Variants in DYNC1H1 observed in about 807,000 individuals in gnomAD.
DYNC1H1 encodes cytoplasmic dynein 1 heavy chain 1.
DYNC1H1 carries 51 observed loss-of-function variants against 527.1 expected under a neutral mutation model. The ratio of observed to expected loss-of-function variants is 0.10; its 90% CI spans 0.08 to 0.12. DYNC1H1 has a LOEUF of 0.12. Ranked by LOEUF, DYNC1H1 falls within the 10% of genes least tolerant of loss-of-function variation. The pLI, the probability that DYNC1H1 is intolerant of heterozygous loss-of-function variation, is 1.00. For missense variants in DYNC1H1, 2,771 were observed against 5,971.8 expected, an observed-to-expected ratio of 0.46 and a Z score of 17.66; for synonymous variants, 2,189 against 2,278.8, an observed-to-expected ratio of 0.96 and a Z score of 1.12.
At position 102,051,255 on chromosome 14, in the gene DYNC1H1, CAAA is replaced by C. The variant is rs76566190; in HGVS notation, c.*703_*705del. 6.3e-5 allele frequency: 9 copies of C among 142,080 alleles called. No homozygotes were observed. Among genetic ancestry groups the C allele is most frequent in the East Asian group, 4.1e-4 (2 of 4,936 alleles). The allele number at this position is 142,080 out of a possible 1,614,324, so 8.8% of individuals were successfully genotyped here. Reference sequence around the variant, plus strand: ...TGGGTGACAGAGCAAGACCCTGTCTCAAAAAAAAAAAAAGCTGGGCGTGGTGGC... The same window carrying C: ...TGGGTGACAGAGCAAGACCCTGTCTCAAAAAAAAAAGCTGGGCGTGGTGGC... On this transcript the variant is annotated 3_prime_UTR_variant, in exon 78 of 78. Transcript: ENST00000360184.
At position 102,029,989 on chromosome 14, in the gene DYNC1H1, C is replaced by T. The variant is rs746602343; in HGVS notation, c.9762+51C>T. 1.9e-6 allele frequency: 3 copies of T among 1,612,766 alleles called. No homozygotes were observed. Among genetic ancestry groups the T allele is most frequent in the Admixed American group, 3.3e-5 (2 of 59,912 alleles). On this transcript the variant is annotated intron_variant, in intron 50 of 77. Transcript: ENST00000360184. The surrounding 1 kb of genome is among the most constrained non-coding windows in gnomAD (Gnocchi z 5.3). ...GTAAGGACTGAGCATTTTCAGTCTC[C>T]AATGAGAGAGTAGGAAATGTAGTTC...
chr14:102,020,075 C>G lies in DYNC1H1; in HGVS notation c.8507+19C>G. ...AAGATAGGTAAGGGAAGCCGAGGAT[C>G]CAGTTGGTCCCATTCTCCCCTGCTC... On this transcript the variant is annotated intron_variant, in intron 42 of 77. Transcript: ENST00000360184. The surrounding 1 kb of genome is among the most constrained non-coding windows in gnomAD (Gnocchi z 4.3). The G allele has an allele frequency of 6.2e-7, 1 of 1,613,408 alleles. No individual in the cohort carries two copies. The highest frequency in any genetic ancestry group is 8.5e-7 in the Non-Finnish European group (1 of 1,179,752).
In DYNC1H1 at chr14:102,050,798, C is replaced by G. The variant is rs1483660694; in HGVS notation, c.*235C>G. 3 of 553,864 alleles carry G rather than the reference C, an allele frequency of 5.4e-6. No individual in the cohort carries two copies. Among genetic ancestry groups the G allele is most frequent in the African/African-American group, 3.8e-5 (2 of 52,840 alleles). The allele number at this position is 553,864 out of a possible 1,614,324, so 34.3% of individuals were successfully genotyped here. The stretch of plus-strand genomic sequence containing the variant: ...AAATAAAACACTAAGCATGAGCCGG[C>G]TCCGCCTCTTCTGTCTCCGCTTTCA... On this transcript the variant is annotated 3_prime_UTR_variant, in exon 78 of 78. Transcript: ENST00000360184.
chr14:101,999,065 G>T (rs1012303424), intron 16 of DYNC1H1, among the ~76,000 whole-genome samples: 1 of 151,938 alleles, frequency 6.6e-6, no homozygotes, highest in Admixed American at 6.6e-5. Flanking sequence ...GTATTTTTTA[G>T]TAGAGACGGG....
chr14:102,001,221 A>T lies in DYNC1H1; in HGVS notation c.4262A>T (p.His1421Leu). 6.2e-7 allele frequency: 1 copy of T among 1,614,248 alleles called. No homozygotes were observed. The highest frequency in any genetic ancestry group is 8.5e-7 in the Non-Finnish European group (1 of 1,180,044). The change falls in exon 20 of 78, where the codon CAC (histidine) becomes CTC (leucine). Residue 1421 changes from histidine to leucine, a missense_variant. Transcript: ENST00000360184. The surrounding 1 kb of genome is among the most constrained non-coding windows in gnomAD (Gnocchi z 5.0). The part of the protein sequence containing the change: ...RHWKQLMKRL[H>L]VNWVVSELTL... ...TGGAAACAGCTCATGAAAAGGCTTC[A>T]CGTTAATTGGGTTGTTTCTGAGCTA...
At position 102,030,312 on chromosome 14, in the gene DYNC1H1, C is replaced by T. The variant is rs1240565671; in HGVS notation, c.9883+30C>T. 3 of 1,613,854 alleles carry T rather than the reference C, an allele frequency of 1.9e-6. No homozygotes were observed. In the African/African-American group the frequency reaches 4.0e-5, roughly 22 times the overall value. ...GTAAAGACTGTCAGAGCTTTGATGT[C>T]TAGGAAGGGTGGTCTCCGTCAACAT... is the stretch of plus-strand genomic sequence containing the variant. On this transcript the variant is annotated intron_variant, in intron 51 of 77. Coordinates refer to ENST00000360184, the MANE Select transcript of DYNC1H1 (RefSeq NM_001376.5).
chr14:102,045,025 G>A, intron 72 of DYNC1H1: 2 of 380,540 alleles, frequency 5.3e-6, no homozygotes, highest in South Asian at 4.6e-5. Context: ...GTTACTGGCT[G>A]GGCACACTGG....
In DYNC1H1 at chr14:102,007,033, GTC is replaced by G. The variant is rs1383582624; in HGVS notation, c.5744_5745del (p.Ser1915CysfsTer18). The stretch of plus-strand genomic sequence containing the variant: ...GACCTGCTGGAACTGGGAAAACAGA[GTC>G]TGTCAAAGCTCTTGGCCATCAGCTT... ...FGPAGTGKTE[S>X]VKALGHQLGR... On this transcript the variant is annotated frameshift_variant, in exon 28 of 78. Coordinates refer to ENST00000360184, the MANE Select transcript of DYNC1H1 (RefSeq NM_001376.5). LOFTEE classifies it high-confidence loss of function. 6.2e-7 allele frequency: 1 copy of G among 1,614,130 alleles called. No homozygotes were observed. Among genetic ancestry groups the G allele is most frequent in the Non-Finnish European group, 8.5e-7 (1 of 1,180,048 alleles).
Position 102,016,122 on chromosome 14 carries a change from C to G in DYNC1H1, c.7473+36C>G, listed in dbSNP as rs2048319075. On this transcript the variant is annotated intron_variant, in intron 36 of 77. Coordinates refer to ENST00000360184, the MANE Select transcript of DYNC1H1 (RefSeq NM_001376.5). This position sits in a 1 kb window ranked among gnomAD's most constrained non-coding sequence, Gnocchi z 7.3. Reference sequence around the variant, plus strand: ...ATCAGGGGCTTCACAGAGCTCACCACTGCGCCAGACCACAGGTCTGAGGAC... The same window carrying G: ...ATCAGGGGCTTCACAGAGCTCACCAGTGCGCCAGACCACAGGTCTGAGGAC... 3 of 1,570,578 alleles carry G rather than the reference C, an allele frequency of 1.9e-6. No individual in the cohort carries two copies. The highest frequency in any genetic ancestry group is 2.6e-6 in the Non-Finnish European group (3 of 1,158,220).
chr14:102,042,096 G>A lies in DYNC1H1; in HGVS notation c.12186G>A (p.Gln4062=). ...ATGTCGAGGACCTTGCAGCCGAGCAGAACACGCAGATCACTTCAATTGCAA... is the reference window on the plus strand; with the variant it reads ...ATGTCGAGGACCTTGCAGCCGAGCAAAACACGCAGATCACTTCAATTGCAA... ...SGHVEDLAAE[Q]NTQITSIAIG... Residue 4062 remains glutamine, a synonymous_variant, in exon 66 of 78, where the codon CAG becomes CAA. Coordinates refer to ENST00000360184, the MANE Select transcript of DYNC1H1 (RefSeq NM_001376.5). This position sits in a 1 kb window ranked among gnomAD's most constrained non-coding sequence, Gnocchi z 5.7. The A allele has an allele frequency of 6.2e-7, 1 of 1,614,112 alleles. No individual in the cohort carries two copies. The highest frequency in any genetic ancestry group is 1.3e-5 in the African/African-American group (1 of 75,024).
chr14:102,033,812 TTATATA>T lies in DYNC1H1; in HGVS notation c.10414-162_10414-157del. On this transcript the variant is annotated intron_variant, in intron 54 of 77. Coordinates refer to ENST00000360184, the MANE Select transcript of DYNC1H1 (RefSeq NM_001376.5). The surrounding 1 kb of genome is among the most constrained non-coding windows in gnomAD (Gnocchi z 5.6). ...ATTCTGAGTCGTGTGTGGTCATTAGTTATATATGATCTGGGTCTCATCTCCTCTGGG... is the reference window on the plus strand; with the variant it reads ...ATTCTGAGTCGTGTGTGGTCATTAGTTGATCTGGGTCTCATCTCCTCTGGG... The T allele has an allele frequency of 1.3e-6, 1 of 766,994 alleles. No individual in the cohort carries two copies. Among genetic ancestry groups the T allele is most frequent in the Non-Finnish European group, 2.2e-6 (1 of 460,984 alleles). The allele number at this position is 766,994 out of a possible 1,614,324, so 47.5% of individuals were successfully genotyped here. A position where few individuals can be genotyped will look rare whatever the true frequency, so the allele number is the denominator to read the frequency against.
chr14:102,023,198 C>T, intron 43 of DYNC1H1: 1 of 382,632 alleles, frequency 2.6e-6, no homozygotes, highest in South Asian at 2.1e-5. Context: ...GCTGTGGTCA[C>T]ACCACCATAC....
At chr14:102,043,763 T>C in intron 69 of DYNC1H1, 112 bp from the exon 70 acceptor site, 1 of 1,468,574 alleles carries the variant, frequency 6.8e-7, no homozygotes, top group Non-Finnish European at 9.4e-7. Flanking sequence ...TCTGCTGCCA[T>C]CGTCAGGATG....
In DYNC1H1 at chr14:101,966,820, A is replaced by G. The variant is rs991507848; in HGVS notation, c.256+1873A>G. ...CATCTTAAAATTGGACGTTGCTAAA[A>G]TTATTGGGGTGGGGGGACTATGTTT... On this transcript the variant is annotated intron_variant, in intron 1 of 77. Coordinates refer to ENST00000360184, the MANE Select transcript of DYNC1H1 (RefSeq NM_001376.5). 2.6e-5 allele frequency among the ~76,000 whole-genome samples: 4 copies of G among 152,204 alleles called. No individual in the cohort carries two copies. In the South Asian group the frequency reaches 8.3e-4, roughly 32 times the overall value.
intron 1 of DYNC1H1, among the ~76,000 whole-genome samples, chr14:101,973,482 CTT>C (rs772861364): frequency 6.6e-6 from 1 of 152,026 alleles, no homozygotes; most frequent in African/African-American, 2.4e-5. Context: ...ATTTTATACT[CTT>C]TAGTGTGAAT....
chr14:102,034,210 A>G (rs1306537058), intron 55 of DYNC1H1, 22 bp downstream of exon 55: 1 of 1,614,110 alleles, frequency 6.2e-7, no homozygotes, highest in Non-Finnish European at 8.5e-7. Context: ...GGGGAGTTCA[A>G]AAAGGATGTG....
chr14:102,033,816 A>T lies in DYNC1H1; in HGVS notation c.10414-160A>T. The T allele has an allele frequency of 1.3e-6, 1 of 781,110 alleles. No individual in the cohort carries two copies. Among genetic ancestry groups the T allele is most frequent in the Non-Finnish European group, 2.1e-6 (1 of 472,334 alleles). The allele number at this position is 781,110 out of a possible 1,614,324, so 48.4% of individuals were successfully genotyped here. On this transcript the variant is annotated intron_variant, in intron 54 of 77. Transcript: ENST00000360184. This position sits in a 1 kb window ranked among gnomAD's most constrained non-coding sequence, Gnocchi z 5.6. ...TGAGTCGTGTGTGGTCATTAGTTATATATGATCTGGGTCTCATCTCCTCTG... is the reference window on the plus strand; with the variant it reads ...TGAGTCGTGTGTGGTCATTAGTTATTTATGATCTGGGTCTCATCTCCTCTG...
intron 1 of DYNC1H1, among the ~76,000 whole-genome samples, chr14:101,970,499 T>TTTTTTG: frequency 7.6e-6 from 1 of 131,722 alleles, no homozygotes; most frequent in African/African-American, 3.2e-5. Flanking sequence ...TTTTTTTTTT[T>TTTTTTG]TGAGATGGCG....
rs200130415 is a variant in DYNC1H1, at chr14:102,042,605, G to A, written c.12400-30G>A. On this transcript the variant is annotated intron_variant, in intron 68 of 77. Coordinates refer to ENST00000360184, the MANE Select transcript of DYNC1H1 (RefSeq NM_001376.5). This position sits in a 1 kb window ranked among gnomAD's most constrained non-coding sequence, Gnocchi z 5.7. ...TGAACAGGCGCCCTCATCCACACCCGAGCATAACTGGAACGGCGCTCTCCC... is the reference window on the plus strand; with the variant it reads ...TGAACAGGCGCCCTCATCCACACCCAAGCATAACTGGAACGGCGCTCTCCC... 2.7e-5 allele frequency: 43 copies of A among 1,613,962 alleles called. No individual in the cohort carries two copies. The highest frequency in any genetic ancestry group is 8.8e-5 in the South Asian group (8 of 91,040).
Sources: gnomAD v4.1 joint callset for allele counts (sites outside exome capture counted in the v4.1 genomes callset) on GRCh38, gnomAD v4.1.1 for gene constraint, Gnocchi (gnomAD v3.1) non-coding constraint, MANE v1.5 for transcripts, NCBI Gene and HGNC (gene_info 2026-07-23, HGNC 2026-07-21) for gene names.